TRIM24: variants seen among roughly 807,000 people sequenced by gnomAD.
The protein encoded by TRIM24 is transcription intermediary factor 1-alpha.
A neutral mutation model predicts 123.9 loss-of-function variants in TRIM24; 29 were observed. The observed-to-expected ratio is 0.23, with a 90% CI of 0.17 to 0.32. The LOEUF (loss-of-function observed/expected upper bound fraction) is 0.32, where lower values mean the gene tolerates loss of function less well. Ranked by LOEUF, TRIM24 falls within the 10% of genes least tolerant of loss-of-function variation. The pLI is 1.00. For synonymous variants in TRIM24, 456 were observed against 461.1 expected (o/e 0.99, Z 0.14); for missense variants, 932 against 1,295.3 (o/e 0.72, Z 4.31).
At chr7:138,501,935 C>G (rs1289864454) in intron 1 of TRIM24, among the ~76,000 whole-genome samples, 5 of 151,500 alleles carry the variant, frequency 3.3e-5, no homozygotes, top group Admixed American at 2.6e-4. Flanking sequence ...TCATGCAGCT[C>G]ATGATTGTAT....
chr7:138,510,152 G>C (rs1429616306), intron 2 of TRIM24, among the ~76,000 whole-genome samples: 1 of 152,194 alleles, frequency 6.6e-6, no homozygotes, highest in Non-Finnish European at 1.5e-5. Context: ...AAGAAAAGAG[G>C]AAGCCGACTA....
chr7:138,537,379 G>GTTTTTTTTTTTTTTTTTTTTT (rs71177994), intron 6 of TRIM24, among the ~76,000 whole-genome samples: 1 of 56,642 alleles, frequency 1.8e-5, no homozygotes, highest in Non-Finnish European at 3.1e-5. Flanking sequence ...ACCCCTGTTT[G>GTTTTTTTTTTTTTTTTTTTTT]TTTTTTTTTT....
At chr7:138,520,353 C>T (rs746340234) in intron 4 of TRIM24, among the ~76,000 whole-genome samples, 5 of 152,208 alleles carry the variant, frequency 3.3e-5, no homozygotes, top group Admixed American at 6.5e-5. Flanking sequence ...GAAATCATAT[C>T]GCTGGCTCCT....
rs1482730084 is a variant in TRIM24 at position 138,586,533 on chromosome 7, G to A, written c.*1582G>A. On this transcript the variant is annotated 3_prime_UTR_variant, in exon 19 of 19. Transcript: ENST00000343526. ...AGATCCCCATTGTTTATATATATAG[G>A]TCTTGTTCATAATATGTCAATTATG... 6.6e-6 allele frequency: 1 copy of A among 152,020 alleles called. No individual in the cohort carries two copies. Among genetic ancestry groups the A allele is most frequent in the East Asian group, 1.9e-4 (1 of 5,204 alleles). 9.4% of individuals were successfully genotyped at this position (152,020 alleles called of 1,614,324 possible). A position where few individuals can be genotyped will look rare whatever the true frequency, so the allele number is the denominator to read the frequency against.
chr7:138,509,743 A>G (rs914629792), intron 2 of TRIM24, among the ~76,000 whole-genome samples: 1 of 151,582 alleles, frequency 6.6e-6, no homozygotes, highest in Admixed American at 6.6e-5. Context: ...AGAAAAAAAG[A>G]ATTATAGACT....
In TRIM24 at chr7:138,585,102, C is replaced by T; in HGVS notation, c.*151C>T. The T allele has an allele frequency of 1.8e-6, 1 of 554,886 alleles. No homozygotes were observed. The highest frequency in any genetic ancestry group is 3.7e-5 in the South Asian group (1 of 26,918). The allele number at this position is 554,886 out of a possible 1,614,324, so 34.4% of individuals were successfully genotyped here. On this transcript the variant is annotated 3_prime_UTR_variant, in exon 19 of 19. Transcript: ENST00000343526. Reference sequence around the variant, plus strand: ...TACTAGACTTTGATTTCCTTAATAGCCCATTTCTGTTAACCTCTTATCACT... The same window carrying T: ...TACTAGACTTTGATTTCCTTAATAGTCCATTTCTGTTAACCTCTTATCACT...
chr7:138,503,462 A>AT (rs201284683), intron 1 of TRIM24, among the ~76,000 whole-genome samples: 1 of 151,486 alleles, frequency 6.6e-6, no homozygotes, highest in Admixed American at 6.6e-5. Context: ...TTGTAAAAAA[A>AT]TTTTTTTTTC....
intron 9 of TRIM24, among the ~76,000 whole-genome samples, chr7:138,557,769 A>G (rs1360943484): frequency 6.6e-6 from 1 of 152,080 alleles, no homozygotes; most frequent in Non-Finnish European, 1.5e-5. Context: ...GAGAAATAGC[A>G]TTTCTCGTTT....
intron 15 of TRIM24, 84 bp downstream of exon 15, chr7:138,579,616 A>G: frequency 8.4e-7 from 1 of 1,197,500 alleles, no homozygotes; most frequent in Non-Finnish European, 1.2e-6. Flanking sequence ...AAAAACTTAA[A>G]TGAAATTCCA....
rs1381377817 is a variant in TRIM24 at position 138,579,274 on chromosome 7, C to G, written c.2327C>G (p.Thr776Ser). The change falls in exon 15 of 19, where the codon ACT (threonine) becomes AGT (serine). Residue 776 changes from threonine to serine, a missense_variant. Physicochemically the swap from Thr to Ser is moderately conservative, Grantham distance 58. Transcript: ENST00000343526. The part of the protein sequence containing the change: ...NSSQSSTSEE[T>S]VLRSDAPDST... The stretch of plus-strand genomic sequence containing the variant: ...AGTCAGAGCTCTACTTCTGAGGAGA[C>G]TGTGCTAAGATCAGATGCCCCTGAT... The G allele has an allele frequency of 6.2e-7, 1 of 1,614,104 alleles. No homozygotes were observed. Among genetic ancestry groups the G allele is most frequent in the Admixed American group, 1.7e-5 (1 of 60,024 alleles).
chr7:138,563,133 G>T (rs551499281), intron 9 of TRIM24, among the ~76,000 whole-genome samples: 1 of 152,230 alleles, frequency 6.6e-6, no homozygotes, highest in East Asian at 1.9e-4. Flanking sequence ...CCATTAGCTG[G>T]CCCCCCACTT....
chr7:138,554,574 A>C lies in TRIM24; in HGVS notation c.1262-124A>C. On this transcript the variant is annotated intron_variant, in intron 8 of 18. Coordinates refer to ENST00000343526, the MANE Select transcript of TRIM24 (RefSeq NM_015905.3). The surrounding 1 kb of genome is among the most constrained non-coding windows in gnomAD (Gnocchi z 4.5). ...TTGGGGGTTCTCTTTCAGAGTGTTA[A>C]AGGGCTCATGAGATCAGAGAATTTC... 2.0e-6 allele frequency: 2 copies of C among 985,982 alleles called. 1 individual carries two copies. The highest frequency in any genetic ancestry group is 3.4e-5 in the South Asian group (2 of 59,226). The allele number at this position is 985,982 out of a possible 1,614,324, so 61.1% of individuals were successfully genotyped here.
chr7:138,484,853 C>T (rs1187744764), intron 1 of TRIM24, among the ~76,000 whole-genome samples: 4 of 152,028 alleles, frequency 2.6e-5, no homozygotes, highest in African/African-American at 9.7e-5. Context: ...ACTCTGGATT[C>T]AGTTTTCGTA....
chr7:138,553,062 A>G (rs1195561841), intron 8 of TRIM24, among the ~76,000 whole-genome samples: 4 of 152,250 alleles, frequency 2.6e-5, no homozygotes, highest in Non-Finnish European at 5.9e-5. Flanking sequence ...ATAGTTTCAG[A>G]TAAATCTAGT....
chr7:138,505,228 C>T (rs1796126280), intron 2 of TRIM24, among the ~76,000 whole-genome samples: 1 of 152,048 alleles, frequency 6.6e-6, no homozygotes, highest in Non-Finnish European at 1.5e-5. Context: ...AGTGACAGTC[C>T]AGAAGCTCTT....
intron 1 of TRIM24, among the ~76,000 whole-genome samples, chr7:138,463,969 A>T (rs1241613581): frequency 8.0e-6 from 1 of 125,646 alleles, no homozygotes; most frequent in East Asian, 2.0e-4. Context: ...TTTTAATACT[A>T]GCTGAAGCAA....
chr7:138,585,053 A>C lies in TRIM24; in HGVS notation c.*102A>C. On this transcript the variant is annotated 3_prime_UTR_variant, in exon 19 of 19. Transcript: ENST00000343526. ...ACTACAAAAAGAAGAGTTTGTGACT[A>C]TTCTCATCTCTGTTTTGGACGTTTA... 2.0e-6 allele frequency: 2 copies of C among 1,006,354 alleles called. No homozygotes were observed. Among genetic ancestry groups the C allele is most frequent in the Non-Finnish European group, 2.9e-6 (2 of 698,330 alleles). The allele number at this position is 1,006,354 out of a possible 1,614,324, so 62.3% of individuals were successfully genotyped here. A position where few individuals can be genotyped will look rare whatever the true frequency, so the allele number is the denominator to read the frequency against.
At chr7:138,477,055 GTC>G (rs1795418840) in intron 1 of TRIM24, among the ~76,000 whole-genome samples, 1 of 46,970 alleles carries the variant, frequency 2.1e-5, no homozygotes, top group Non-Finnish European at 5.3e-5. Flanking sequence ...TACCCTTTGT[GTC>G]TCTGTGTGTG....
chr7:138,562,244 G>A (rs1234544964), intron 9 of TRIM24, among the ~76,000 whole-genome samples: 2 of 152,078 alleles, frequency 1.3e-5, no homozygotes, highest in Non-Finnish European at 2.9e-5. Flanking sequence ...GAGATTTTTT[G>A]AATCCTTGTG....
Sources: allele counts gnomAD v4.1 joint callset (sites outside exome capture counted in the v4.1 genomes callset), GRCh38; gene constraint gnomAD v4.1.1; non-coding constraint Gnocchi (gnomAD v3.1); transcripts MANE v1.5; gene names NCBI Gene and HGNC (gene_info 2026-07-23, HGNC 2026-07-21).